Variants in CCDC158 observed in about 807,000 individuals in gnomAD.
The protein encoded by CCDC158 is coiled-coil domain-containing protein 158.
A neutral mutation model predicts 138.6 loss-of-function variants in CCDC158; 116 were observed. That is an observed-to-expected ratio of 0.84 (90% CI 0.72 to 0.98). The LOEUF (loss-of-function observed/expected upper bound fraction) is 0.98. Ranked by LOEUF, CCDC158 falls within the 50% of genes least tolerant of loss-of-function variation. The pLI is 0.00. For synonymous variants in CCDC158, 436 were observed against 442.4 expected, an observed-to-expected ratio of 0.99 and a Z score of 0.18; for missense variants, 1,265 against 1,306.1, an observed-to-expected ratio of 0.97 and a Z score of 0.48.
At chr4:76,383,565 G>A (rs1391590499) in intron 7 of CCDC158, 97 bp downstream of exon 7, 2 of 829,578 alleles carry the variant, frequency 2.4e-6, no homozygotes, top group Non-Finnish European at 4.1e-6. Flanking sequence ...AAACTTATGT[G>A]TTTCAGAGCT....
In CCDC158 at chr4:76,398,100, G is replaced by T. The variant is rs562336159; in HGVS notation, c.71-1614C>A. Among the ~76,000 whole-genome samples, 19 of 152,062 alleles carry T rather than the reference G, an allele frequency of 1.2e-4. 1 individual carries two copies. In the South Asian group the frequency reaches 3.7e-3, roughly 30 times the overall value. ...ACTTTGAATTAAAAAAACAAAAGAT[G>T]GTTCTATAATGATAATAGGGAAAGC... is the stretch of plus-strand genomic sequence containing the variant. On this transcript the variant is annotated intron_variant, in intron 3 of 24. Coordinates refer to ENST00000682701, the MANE Select transcript of CCDC158 (RefSeq NM_001394954.1).
In CCDC158 at chr4:76,362,310, T is replaced by C. The variant is rs1274387533; in HGVS notation, c.1836A>G (p.Leu612=). The C allele has an allele frequency of 6.2e-7, 1 of 1,608,056 alleles. No homozygotes were observed. The highest frequency in any genetic ancestry group is 1.3e-5 in the African/African-American group (1 of 74,522). ...RRMELKELKI[L]KDKKDAKIRE... is the part of the protein sequence containing the mutation. ...GGATCTTTGCATCTTTTTTATCTTTTAATATCTAAATATATGGATAAATAC... is the reference window on the plus strand; with the variant it reads ...GGATCTTTGCATCTTTTTTATCTTTCAATATCTAAATATATGGATAAATAC... The change falls in exon 13 of 25, where the codon TTA becomes TTG. Residue 612 remains leucine (L), a synonymous_variant. Coordinates refer to ENST00000682701, the MANE Select transcript of CCDC158 (RefSeq NM_001394954.1).
intron 18 of CCDC158, among the ~76,000 whole-genome samples, chr4:76,346,477 C>A (rs1722557116): frequency 1.3e-5 from 2 of 152,166 alleles, no homozygotes; most frequent in African/African-American, 4.8e-5. Context: ...TTTGGGAGGC[C>A]AAGCTGGGTG....
At chr4:76,395,816 T>C (rs1727732975) in intron 4 of CCDC158, among the ~76,000 whole-genome samples, 1 of 152,190 alleles carries the variant, frequency 6.6e-6, no homozygotes, top group South Asian at 2.1e-4. Flanking sequence ...CTACGTAATG[T>C]CCACTTGAAA....
At chr4:76,415,676 A>G (rs1368018855) in intron 1 of CCDC158, among the ~76,000 whole-genome samples, 6 of 152,198 alleles carry the variant, frequency 3.9e-5, no homozygotes, top group Admixed American at 3.9e-4. Flanking sequence ...AAACCAGGCC[A>G]TACAGAGATA....
rs1221779764 is a variant in CCDC158 at position 76,407,823 on chromosome 4, GAAGA to G, written c.-74+4263_-74+4266del. ...AATAGGAGTTAGAGAGTAGAGAAAA[GAAGA>G]AAGAGGAAGGTTTGGCTTTAGAATA... is the stretch of plus-strand genomic sequence containing the variant. On this transcript the variant is annotated intron_variant, in intron 2 of 24. Transcript: ENST00000682701. Among the ~76,000 whole-genome samples, 9 of 152,254 alleles carry G rather than the reference GAAGA, an allele frequency of 5.9e-5. No individual in the cohort carries two copies. The East Asian group carries it at 1.5e-3, about 26-fold the overall frequency.
chr4:76,319,031 A>G (rs4859665), intron 24 of CCDC158, among the ~76,000 whole-genome samples: 93,044 of 151,370 alleles, frequency 0.61, 28,933 homozygotes, highest in East Asian at 0.78. Context: ...CCAGCACTTT[A>G]GGAGGCTGGG....
At chr4:76,389,438 G>C (rs575210929) in intron 4 of CCDC158, among the ~76,000 whole-genome samples, 2 of 151,910 alleles carry the variant, frequency 1.3e-5, no homozygotes, top group African/African-American at 4.8e-5. Flanking sequence ...AAAAAGAAAA[G>C]AAAACAATGA....
At chr4:76,347,757 C>G (rs1252187135) in intron 18 of CCDC158, among the ~76,000 whole-genome samples, 4 of 152,008 alleles carry the variant, frequency 2.6e-5, no homozygotes, top group Non-Finnish European at 5.9e-5. Context: ...AAAATTATCT[C>G]TGTAATTTTT....
At chr4:76,386,002 C>T (rs1348854327) in intron 4 of CCDC158, among the ~76,000 whole-genome samples, 1 of 152,128 alleles carries the variant, frequency 6.6e-6, no homozygotes, top group African/African-American at 2.4e-5. Flanking sequence ...TTTACCGAGC[C>T]AATTATCAAT....
chr4:76,399,195 A>C (rs756762584), intron 3 of CCDC158, among the ~76,000 whole-genome samples: 8 of 152,176 alleles, frequency 5.3e-5, no homozygotes, highest in Non-Finnish European at 8.8e-5. Flanking sequence ...ACAGCTGGTG[A>C]ATCCAGCTGG....
Position 76,355,396 on chromosome 4 carries a change from G to C in CCDC158, c.2214C>G (p.Ala738=). 6.2e-7 allele frequency: 1 copy of C among 1,613,670 alleles called. No individual in the cohort carries two copies. The change falls in exon 15 of 25, where the codon GCC becomes GCG. Residue 738 remains alanine (A), a synonymous_variant. Coordinates refer to ENST00000682701, the MANE Select transcript of CCDC158 (RefSeq NM_001394954.1). ...GAAGGGCATCTATCTGACCTCTTTTGGCTGTGATTTGCTTTTGCATCCCCA... is the reference window on the plus strand; with the variant it reads ...GAAGGGCATCTATCTGACCTCTTTTCGCTGTGATTTGCTTTTGCATCCCCA... ...VAMGMQKQIT[A]KRGQIDALQS...
chr4:76,360,462 C>T (rs1231456563), intron 13 of CCDC158, among the ~76,000 whole-genome samples: 1 of 152,228 alleles, frequency 6.6e-6, no homozygotes, highest in East Asian at 1.9e-4. Flanking sequence ...CATAGGCACT[C>T]AGTGCCAGCC....
At chr4:76,315,675 C>G (rs1719313615) in intron 24 of CCDC158, among the ~76,000 whole-genome samples, 1 of 152,188 alleles carries the variant, frequency 6.6e-6, no homozygotes. Flanking sequence ...TAAGCCAGGA[C>G]ACTAAACATA....
intron 1 of CCDC158, among the ~76,000 whole-genome samples, chr4:76,413,211 A>C (rs187891287): frequency 3.2e-4 from 48 of 151,710 alleles, no homozygotes; most frequent in Admixed American, 3.1e-3. Context: ...AAAATGAATG[A>C]GCCTGTAATC....
chr4:76,390,657 A>C (rs756513111), intron 4 of CCDC158, among the ~76,000 whole-genome samples: 1 of 152,094 alleles, frequency 6.6e-6, no homozygotes, highest in Non-Finnish European at 1.5e-5. Flanking sequence ...ACATAAATGG[A>C]CTAAATTGTC....
At chr4:76,336,857 C>T (rs1578897200) in intron 18 of CCDC158, among the ~76,000 whole-genome samples, 1 of 152,164 alleles carries the variant, frequency 6.6e-6, no homozygotes, top group South Asian at 2.1e-4. Context: ...CACACAATAA[C>T]GCCGACTGAG....
At chr4:76,349,263 T>G (rs1180016178) in intron 18 of CCDC158, among the ~76,000 whole-genome samples, 1 of 152,244 alleles carries the variant, frequency 6.6e-6, no homozygotes, top group African/African-American at 2.4e-5. Flanking sequence ...ACTTTTATTG[T>G]GTAAAATTAT....
chr4:76,416,001 G>C (rs540737021), intron 1 of CCDC158, among the ~76,000 whole-genome samples: 15 of 152,340 alleles, frequency 9.8e-5, no homozygotes, highest in African/African-American at 3.6e-4. Context: ...CTGTGATGCT[G>C]TCCTTCAGTG....
Sources: gnomAD v4.1 joint callset for allele counts (sites outside exome capture counted in the v4.1 genomes callset) on GRCh38, gnomAD v4.1.1 for gene constraint, MANE v1.5 for transcripts, NCBI Gene and HGNC (gene_info 2026-07-23, HGNC 2026-07-21) for gene names.